Variants in RELN observed in about 807,000 individuals in gnomAD.
The protein encoded by RELN is reelin.
RELN carries 108 observed loss-of-function variants against 427.6 expected under a neutral mutation model. The ratio of observed to expected loss-of-function variants is 0.25; its 90% CI spans 0.22 to 0.30. The LOEUF is 0.30. Ranked by LOEUF, RELN falls within the 10% of genes least tolerant of loss-of-function variation. The probability of loss-of-function intolerance (pLI) is 1.00; values close to 1 mark genes in which losing one functional copy is unlikely to be tolerated. For missense variants in RELN, 3,715 were observed against 4,302.8 expected, an observed-to-expected ratio of 0.86 and a Z score of 3.82; for synonymous variants, 1,524 against 1,513.4, an observed-to-expected ratio of 1.01 and a Z score of -0.16.
At chr7:103,857,141 C>T (rs960712891) in intron 2 of RELN, among the ~76,000 whole-genome samples, 5 of 152,106 alleles carry the variant, frequency 3.3e-5, no homozygotes, top group African/African-American at 1.2e-4. Context: ...ATCATCTGCT[C>T]ATATGCCAAG....
At position 103,609,992 on chromosome 7, in the gene RELN, T is replaced by G. The variant is rs527578937; in HGVS notation, c.3008+703A>C. On this transcript the variant is annotated intron_variant, in intron 22 of 64. Coordinates refer to ENST00000428762, the MANE Select transcript of RELN (RefSeq NM_005045.4). ...TGGTTAAGATCACGTGATTAATTAA[T>G]CATTGGTAGAGCTATACTGAGAATT... 2.0e-5 allele frequency among the ~76,000 whole-genome samples: 3 copies of G among 152,288 alleles called. 1 individual carries two copies. The highest frequency in any genetic ancestry group is 7.2e-5 in the African/African-American group (3 of 41,574).
chr7:103,732,850 C>G (rs1242661346), intron 6 of RELN, among the ~76,000 whole-genome samples: 1 of 152,086 alleles, frequency 6.6e-6, no homozygotes, highest in Non-Finnish European at 1.5e-5. Flanking sequence ...CGAAAATTTT[C>G]TCCCATTTGT....
chr7:103,718,438 G>A (rs1789996734), intron 8 of RELN, among the ~76,000 whole-genome samples: 1 of 151,770 alleles, frequency 6.6e-6, no homozygotes, highest in South Asian at 2.1e-4. Flanking sequence ...TATAAATCAT[G>A]AACAAATAAT....
chr7:103,615,668 C>T (rs902314595), intron 20 of RELN, among the ~76,000 whole-genome samples: 1 of 152,176 alleles, frequency 6.6e-6, no homozygotes, highest in Admixed American at 6.5e-5. Context: ...CACACAGTTA[C>T]TAAAAAGCTA....
At chr7:103,830,817 T>C (rs780865539) in intron 3 of RELN, among the ~76,000 whole-genome samples, 1 of 152,008 alleles carries the variant, frequency 6.6e-6, no homozygotes, top group Non-Finnish European at 1.5e-5. Context: ...AGCTACTCTA[T>C]AAAGGTTTCA....
intron 4 of RELN, among the ~76,000 whole-genome samples, chr7:103,773,356 C>CAT (rs1791645732): frequency 8.9e-5 from 1 of 11,186 alleles, no homozygotes; most frequent in Non-Finnish European, 1.4e-4. Context: ...TCTCTCTCTC[C>CAT]CTCTCTCTCT....
At chr7:103,677,891 C>A (rs537504917) in intron 11 of RELN, among the ~76,000 whole-genome samples, 1 of 151,722 alleles carries the variant, frequency 6.6e-6, no homozygotes, top group Non-Finnish European at 1.5e-5. Flanking sequence ...AATGAGACGC[C>A]TTTTGTAGTG....
At position 103,620,063 on chromosome 7, in the gene RELN, C is replaced by T. The variant is rs1010206802; in HGVS notation, c.2703-8260G>A. Among the ~76,000 whole-genome samples, 19 of 152,252 alleles carry T rather than the reference C, an allele frequency of 1.2e-4. No homozygotes were observed. The highest frequency in any genetic ancestry group is 2.1e-4 in the Non-Finnish European group (14 of 68,010). On this transcript the variant is annotated intron_variant, in intron 20 of 64. Transcript: ENST00000428762. This position sits in a 1 kb window ranked among gnomAD's most constrained non-coding sequence, Gnocchi z 4.1. Reference sequence around the variant, plus strand: ...ATCTTGCATTGTGGTGCCCATAATTCCTACGTGTTGTGGGAGGGATCCAGT... The same window carrying T: ...ATCTTGCATTGTGGTGCCCATAATTTCTACGTGTTGTGGGAGGGATCCAGT...
rs181502765 is a variant in RELN, at chr7:103,881,406, C to T, written c.337+35669G>A. The stretch of plus-strand genomic sequence containing the variant: ...TCTGATTTCCTACAAACTCCTCTTC[C>T]TCCACATTCTTAACTGTTGGCATCA... On this transcript the variant is annotated intron_variant, in intron 2 of 64. Transcript: ENST00000428762. Among the ~76,000 whole-genome samples, 334 of 152,186 alleles carry T rather than the reference C, an allele frequency of 2.2e-3. 1 individual carries two copies. The highest frequency in any genetic ancestry group is 3.9e-3 in the South Asian group (19 of 4,822).
At chr7:103,541,929 G>A (rs1388561203) in intron 43 of RELN, among the ~76,000 whole-genome samples, 2 of 152,094 alleles carry the variant, frequency 1.3e-5, no homozygotes, top group African/African-American at 4.8e-5. Context: ...TGAAGTATTT[G>A]GGAAAAAGAA....
chr7:103,584,940 TAAAC>T (rs1831234977), intron 28 of RELN, among the ~76,000 whole-genome samples: 2 of 152,172 alleles, frequency 1.3e-5, no homozygotes, highest in South Asian at 4.1e-4. Context: ...ACATGGAAAC[TAAAC>T]AACTTGCTCC....
At chr7:103,697,480 TC>T (rs1184119704) in intron 10 of RELN, among the ~76,000 whole-genome samples, 1 of 152,048 alleles carries the variant, frequency 6.6e-6, no homozygotes, top group Non-Finnish European at 1.5e-5. Flanking sequence ...ACTCTGAACT[TC>T]CCCAGCAAAT....
At chr7:103,726,499 G>T (rs1430577531) in intron 7 of RELN, among the ~76,000 whole-genome samples, 2 of 152,028 alleles carry the variant, frequency 1.3e-5, no homozygotes, top group Non-Finnish European at 2.9e-5. Context: ...TTCAAAATTA[G>T]CCCACTGAAT....
At chr7:103,839,105 G>A (rs1057179364) in intron 2 of RELN, among the ~76,000 whole-genome samples, 1 of 152,012 alleles carries the variant, frequency 6.6e-6, no homozygotes, top group Non-Finnish European at 1.5e-5. Flanking sequence ...TAAAATTCAG[G>A]GCTTAGAGTA....
intron 3 of RELN, among the ~76,000 whole-genome samples, chr7:103,818,590 C>A (rs767436551): frequency 6.6e-6 from 1 of 152,030 alleles, no homozygotes; most frequent in Admixed American, 6.6e-5. Flanking sequence ...TCATAGTTAA[C>A]CTTAACATAA....
At chr7:103,980,470 T>A (rs930066379) in intron 1 of RELN, among the ~76,000 whole-genome samples, 1 of 152,216 alleles carries the variant, frequency 6.6e-6, no homozygotes, top group Admixed American at 6.5e-5. Context: ...TTCTTTGTTT[T>A]CTCATTTTTG....
chr7:103,900,480 G>T (rs574094602), intron 2 of RELN, among the ~76,000 whole-genome samples: 69 of 152,038 alleles, frequency 4.5e-4, no homozygotes, highest in Admixed American at 8.5e-4. Flanking sequence ...AAAAGAGCCC[G>T]CATAGCCAAG....
intron 10 of RELN, among the ~76,000 whole-genome samples, chr7:103,695,726 T>C (rs1833964886): frequency 6.6e-6 from 1 of 152,130 alleles, no homozygotes; most frequent in African/African-American, 2.4e-5. Flanking sequence ...CGAGGTCTCC[T>C]GGGTTTATGC....
At chr7:103,884,598 C>T (rs990227029) in intron 2 of RELN, among the ~76,000 whole-genome samples, 1 of 152,072 alleles carries the variant, frequency 6.6e-6, no homozygotes, top group Non-Finnish European at 1.5e-5. Flanking sequence ...AAAAAACAAA[C>T]CACCCCATCA....
Sources: gnomAD v4.1 joint callset for allele counts (sites outside exome capture counted in the v4.1 genomes callset) on GRCh38, gnomAD v4.1.1 for gene constraint, Gnocchi (gnomAD v3.1) non-coding constraint, MANE v1.5 for transcripts, NCBI Gene and HGNC (gene_info 2026-07-23, HGNC 2026-07-21) for gene names.